The following ZNF507 variants were observed in gnomAD, a reference collection of about 807,000 sequenced individuals.
The protein encoded by ZNF507 is zinc finger protein 507.
In ZNF507, 29 loss-of-function variants were observed where a neutral mutation model predicts 80.0. The observed-to-expected ratio is 0.36, with a 90% CI of 0.27 to 0.49. The LOEUF (loss-of-function observed/expected upper bound fraction) is 0.49. ZNF507 is among the 20% of genes least tolerant of loss of function. The probability of loss-of-function intolerance (pLI) is 0.98; values close to 1 mark genes in which losing one functional copy is unlikely to be tolerated. For missense variants in ZNF507, 1,081 were observed against 1,152.2 expected (o/e 0.94, Z 0.90); for synonymous variants, 462 against 422.5 (o/e 1.09, Z -1.15).
intron 5 of ZNF507, among the ~76,000 whole-genome samples, chr19:32,376,398 G>A (rs1967547150): frequency 1.3e-5 from 2 of 152,128 alleles, no homozygotes; most frequent in Non-Finnish European, 2.9e-5. Context: ...TAAAAGAACT[G>A]GAGAAATTAT....
At chr19:32,381,651 G>A (rs766976456) in intron 5 of ZNF507, among the ~76,000 whole-genome samples, 5 of 151,974 alleles carry the variant, frequency 3.3e-5, no homozygotes, top group Non-Finnish European at 5.9e-5. Context: ...CCACAGAATT[G>A]TACAACACAA....
chr19:32,382,441 T>A, intron 5 of ZNF507, 26 bp from the exon 6 acceptor site: 1 of 1,610,748 alleles, frequency 6.2e-7, no homozygotes, highest in East Asian at 2.2e-5. Flanking sequence ...ACCGTTCTGA[T>A]TTTCCCTTGC....
In ZNF507 at chr19:32,382,951, C is replaced by T. The variant is rs1387548334; in HGVS notation, c.2730C>T (p.Leu910=). 6.2e-7 allele frequency: 1 copy of T among 1,614,142 alleles called. No homozygotes were observed. The highest frequency in any genetic ancestry group is 1.1e-5 in the South Asian group (1 of 91,082). The change falls in exon 7 of 7, where the codon CTC becomes CTT. Residue 910 remains leucine (L), a synonymous_variant. Coordinates refer to ENST00000355898, the MANE Select transcript of ZNF507 (RefSeq NM_001136156.2). The part of the protein sequence containing the change: ...APPSMEYCVL[L]FCCCICGFES... ...CTAGCATGGAGTACTGCGTTTTACT[C>T]TTCTGCTGTTGTATTTGTGGTTTTG...
chr19:32,371,643 A>ATTTTT (rs111611184), intron 5 of ZNF507, among the ~76,000 whole-genome samples: 2 of 92,668 alleles, frequency 2.2e-5, no homozygotes, highest in Non-Finnish European at 4.2e-5. Flanking sequence ...TATTATTATT[A>ATTTTT]TTTTTTTTTT....
intron 1 of ZNF507, 77 bp from the exon 2 acceptor site, chr19:32,347,168 C>CA (rs535726639): frequency 0.019 from 2,806 of 147,500 alleles, 30 homozygotes; most frequent in South Asian, 0.031. Flanking sequence ...TTTTCACTGC[C>CA]AAAAAAAAAA....
At position 32,383,354 on chromosome 19, in the gene ZNF507, G is replaced by C; in HGVS notation, c.*271G>C. ...ATTAACCCTCTGTCACCCCTTCTTAGTGTCGAGTGTATTTATTAATAAAAG... is the reference window on the plus strand; with the variant it reads ...ATTAACCCTCTGTCACCCCTTCTTACTGTCGAGTGTATTTATTAATAAAAG... On this transcript the variant is annotated 3_prime_UTR_variant, in exon 7 of 7. Coordinates refer to ENST00000355898, the MANE Select transcript of ZNF507 (RefSeq NM_001136156.2). The C allele has an allele frequency of 2.7e-6, 1 of 374,372 alleles. No homozygotes were observed. Among genetic ancestry groups the C allele is most frequent in the South Asian group, 3.3e-5 (1 of 29,988 alleles). 23.2% of individuals were successfully genotyped at this position (374,372 alleles called of 1,614,324 possible).
intron 5 of ZNF507, among the ~76,000 whole-genome samples, chr19:32,374,355 G>A (rs1055966355): frequency 7.9e-5 from 12 of 151,840 alleles, no homozygotes; most frequent in Non-Finnish European, 1.5e-4. Flanking sequence ...TAGTTTTGTG[G>A]CTTTATTGAG....
Position 32,351,581 on chromosome 19 carries a change from G to A in ZNF507, c.-2-1248G>A, listed in dbSNP as rs192044172. ...AGGTATCATCTTGGCAGGGGCTGAA[G>A]GGCCCTTATATGTTGATTCAACCAT... On this transcript the variant is annotated intron_variant, in intron 2 of 6. Coordinates refer to ENST00000355898, the MANE Select transcript of ZNF507 (RefSeq NM_001136156.2). Among the ~76,000 whole-genome samples, 23 of 149,510 alleles carry A rather than the reference G, an allele frequency of 1.5e-4. No individual in the cohort carries two copies. In the East Asian group the frequency reaches 3.3e-3, roughly 22 times the overall value.
At chr19:32,355,033 C>T in intron 3 of ZNF507, 76 bp downstream of exon 3, 3 of 1,353,684 alleles carry the variant, frequency 2.2e-6, no homozygotes, top group Non-Finnish European at 3.0e-6. Context: ...AGATCTAATC[C>T]AATCACCTCA....
chr19:32,349,302 G>A (rs925449980), intron 2 of ZNF507, among the ~76,000 whole-genome samples: 9 of 152,210 alleles, frequency 5.9e-5, no homozygotes, highest in African/African-American at 2.2e-4. Flanking sequence ...CTCTGACAGA[G>A]AGCAGAATGG....
chr19:32,346,410 C>T (rs953798363), intron 1 of ZNF507, among the ~76,000 whole-genome samples: 2 of 152,146 alleles, frequency 1.3e-5, no homozygotes, highest in African/African-American at 4.8e-5. Flanking sequence ...AACCCCAAGG[C>T]GGTATTTTTA....
chr19:32,361,091 A>G (rs1168771274), intron 5 of ZNF507, among the ~76,000 whole-genome samples: 1 of 152,222 alleles, frequency 6.6e-6, no homozygotes, highest in Non-Finnish European at 1.5e-5. Flanking sequence ...GCAATTTTCA[A>G]TGCCTTAGAG....
intron 5 of ZNF507, 85 bp from the exon 6 acceptor site, chr19:32,382,382 C>CT (rs1967634501): frequency 3.3e-6 from 5 of 1,512,362 alleles, no homozygotes; most frequent in Non-Finnish European, 4.5e-6. Flanking sequence ...GGAGGAAGGG[C>CT]TATAATAATT....
intron 5 of ZNF507, among the ~76,000 whole-genome samples, chr19:32,379,633 C>T (rs1268898005): frequency 6.6e-6 from 1 of 152,102 alleles, no homozygotes; most frequent in Non-Finnish European, 1.5e-5. Context: ...TATATACATA[C>T]ATATGGATGT....
chr19:32,348,211 C>G lies in ZNF507; in HGVS notation c.-3+873C>G, dbSNP rs542889854. 2.6e-5 allele frequency among the ~76,000 whole-genome samples: 4 copies of G among 152,174 alleles called. No individual in the cohort carries two copies. The East Asian group carries it at 5.8e-4, about 22-fold the overall frequency. ...CCCTTGAGCTTATGTCCCCTGCCTTCTTTTGGCTGGAGCAAAATAAATTTG... is the reference window on the plus strand; with the variant it reads ...CCCTTGAGCTTATGTCCCCTGCCTTGTTTTGGCTGGAGCAAAATAAATTTG... On this transcript the variant is annotated intron_variant, in intron 2 of 6. Transcript: ENST00000355898.
Position 32,366,958 on chromosome 19 carries a change from C to T in ZNF507, c.2360+6340C>T, listed in dbSNP as rs539851221. ...GAGCATCTTTTCATTTGTTTATGGG[C>T]TATTATTGCCCACTTCTTTTTTGCA... is the stretch of plus-strand genomic sequence containing the variant. On this transcript the variant is annotated intron_variant, in intron 5 of 6. Transcript: ENST00000355898. Among the ~76,000 whole-genome samples, 9 of 152,254 alleles carry T rather than the reference C, an allele frequency of 5.9e-5. No individual in the cohort carries two copies. In the South Asian group the frequency reaches 1.7e-3, roughly 28 times the overall value.
rs1967208982 is a variant in ZNF507, at chr19:32,353,893, G to A, written c.1063G>A (p.Asp355Asn). Reference sequence around the variant, plus strand: ...ACACCTAAGTCAGTCAGTTACCCTGGACCCCAATGAGGAAGAAATGCTAGA... The same window carrying A: ...ACACCTAAGTCAGTCAGTTACCCTGAACCCCAATGAGGAAGAAATGCTAGA... ...GVHLSQSVTL[D>N]PNEEEMLEVI... Residue 355 changes from aspartate to asparagine, a missense_variant, in exon 3 of 7, where the codon GAC becomes AAC. This residue lies in a region of ZNF507 where 614 missense variants were observed against 583.9 expected (regional missense o/e 1.05). Coordinates refer to ENST00000355898, the MANE Select transcript of ZNF507 (RefSeq NM_001136156.2). 3.1e-6 allele frequency: 5 copies of A among 1,614,126 alleles called. No homozygotes were observed. In the East Asian group the frequency reaches 1.1e-4, roughly 36 times the overall value.
In ZNF507 at chr19:32,353,948, T is replaced by G. The variant is rs756615149; in HGVS notation, c.1118T>G (p.Ile373Ser). ...ATTTCTGATGCAGAGGAGAATCTGA[T>G]TCCTGATAGCCTGCTTACATCAGCA... Reference protein sequence around the residue: ...EVISDAEENLIPDSLLTSAQK... With the variant: ...EVISDAEENLSPDSLLTSAQK... Residue 373 changes from isoleucine (I) to serine (S), a missense_variant, in exon 3 of 7, where the codon ATT becomes AGT. Ile to Ser is a moderately radical substitution (Grantham distance 142, BLOSUM62 -2). Around this residue, in one of 6 missense-constraint regions of ZNF507, gnomAD observed 614 missense variants for 583.9 expected, o/e 1.05. Coordinates refer to ENST00000355898, the MANE Select transcript of ZNF507 (RefSeq NM_001136156.2). 1.7e-5 allele frequency: 27 copies of G among 1,614,038 alleles called. No individual in the cohort carries two copies. The highest frequency in any genetic ancestry group is 2.3e-5 in the Non-Finnish European group (27 of 1,180,050).
At chr19:32,360,028 A>G (rs1310113054) in intron 4 of ZNF507, among the ~76,000 whole-genome samples, 1 of 152,162 alleles carries the variant, frequency 6.6e-6, no homozygotes, top group Non-Finnish European at 1.5e-5. Flanking sequence ...ACACCTAGCC[A>G]GGCTTTTTAT....
Sources: allele counts gnomAD v4.1 joint callset (sites outside exome capture counted in the v4.1 genomes callset), GRCh38; gene constraint gnomAD v4.1.1; regional missense constraint gnomAD v4.1.1; transcripts MANE v1.5; gene names NCBI Gene and HGNC (gene_info 2026-07-23, HGNC 2026-07-21).